The following KYAT3 variants were observed in gnomAD, a reference collection of about 807,000 sequenced individuals.
KYAT3 encodes kynurenine--oxoglutarate transaminase 3.
Under a neutral mutation model 59.0 loss-of-function variants are expected in KYAT3, and 50 were observed. The observed-to-expected ratio is 0.85, with a 90% CI of 0.68 to 1.07. KYAT3 has a LOEUF of 1.07. Ranked by LOEUF, KYAT3 falls within the 50% of genes least tolerant of loss-of-function variation. The pLI is 0.00. For missense variants in KYAT3, 497 were observed against 533.3 expected, an observed-to-expected ratio of 0.93 and a Z score of 0.67; for synonymous variants, 148 against 177.0, an observed-to-expected ratio of 0.84 and a Z score of 1.30.
intron 2 of KYAT3, among the ~76,000 whole-genome samples, chr1:88,978,575 G>T (rs1314812765): frequency 2.6e-5 from 4 of 152,068 alleles, no homozygotes; most frequent in African/African-American, 9.7e-5. Context: ...ATGGCTCACT[G>T]CAACCTCACC....
chr1:88,927,897 G>C, the KYAT3 span, among the ~76,000 whole-genome samples: 13 of 152,246 alleles, frequency 8.5e-5, 1 homozygote, highest in Admixed American at 6.5e-4. Context: ...ACTGCAGCCC[G>C]AGAGTTTGGT....
chr1:88,953,230 G>T, intron 9 of KYAT3, 78 bp from the exon 10 acceptor site: 1 of 931,594 alleles, frequency 1.1e-6, no homozygotes, highest in Non-Finnish European at 1.7e-6. Flanking sequence ...TAAACTTAGT[G>T]CAATTGTTAA....
chr1:88,986,129 C>A (rs539681283), intron 2 of KYAT3, among the ~76,000 whole-genome samples: 3 of 150,410 alleles, frequency 2.0e-5, no homozygotes, highest in Admixed American at 2.0e-4. Context: ...TGCAGTGAGC[C>A]GAGATTGCGC....
At chr1:88,971,254 G>A (rs1676546331) in intron 2 of KYAT3, among the ~76,000 whole-genome samples, 1 of 152,130 alleles carries the variant, frequency 6.6e-6, no homozygotes, top group Non-Finnish European at 1.5e-5. Context: ...AGATAATTGA[G>A]GTTGAAATGC....
intron 13 of KYAT3, 149 bp from the exon 14 acceptor site, chr1:88,936,394 A>C: frequency 1.7e-6 from 1 of 601,784 alleles, no homozygotes; most frequent in East Asian, 2.8e-5. Flanking sequence ...CAAAAGCAGA[A>C]CCCAAAACAG....
chr1:88,985,045 C>T (rs548030980), intron 2 of KYAT3, among the ~76,000 whole-genome samples: 6 of 152,264 alleles, frequency 3.9e-5, no homozygotes, highest in Admixed American at 3.9e-4. Flanking sequence ...TATATTTTAA[C>T]AATTACTTCA....
intron 8 of KYAT3, among the ~76,000 whole-genome samples, chr1:88,959,054 G>A (rs528020964): frequency 6.6e-6 from 1 of 152,238 alleles, no homozygotes; most frequent in African/African-American, 2.4e-5. Flanking sequence ...AGGGCAGGAG[G>A]ATCGCTTGAG....
At position 88,969,492 on chromosome 1, in the gene KYAT3, G is replaced by T. The variant is rs185654823; in HGVS notation, c.100-25C>A. 1,798 of 1,385,414 alleles carry T rather than the reference G, an allele frequency of 1.3e-3. 4 individuals carry two copies. Among genetic ancestry groups the T allele is most frequent in the Non-Finnish European group, 1.4e-3 (1,361 of 978,868 alleles). 85.8% of individuals were successfully genotyped at this position (1,385,414 alleles called of 1,614,324 possible). A position where few individuals can be genotyped will look rare whatever the true frequency, so the allele number is the denominator to read the frequency against. ...TCTGAAATATATAAATATTGAAAAGGAATTGCCTTAGTCAAAATTTTAAAA... is the reference window on the plus strand; with the variant it reads ...TCTGAAATATATAAATATTGAAAAGTAATTGCCTTAGTCAAAATTTTAAAA... On this transcript the variant is annotated intron_variant, in intron 2 of 13. Coordinates refer to ENST00000260508, the MANE Select transcript of KYAT3 (RefSeq NM_001008661.3).
intron 2 of KYAT3, chr1:88,981,997 G>C: frequency 4.1e-6 from 4 of 981,606 alleles, no homozygotes; most frequent in Non-Finnish European, 4.8e-6. Context: ...TTAGTATTCC[G>C]TAGTTGTTTA....
intron 6 of KYAT3, 36 bp downstream of exon 6, chr1:88,962,023 G>C: frequency 1.6e-5 from 23 of 1,461,136 alleles, no homozygotes; most frequent in Non-Finnish European, 2.2e-5. Context: ...CTTAAGTCTT[G>C]AAACTTTGCC....
chr1:88,925,112 G>A, the KYAT3 span, among the ~76,000 whole-genome samples: 1 of 152,172 alleles, frequency 6.6e-6, no homozygotes, highest in Non-Finnish European at 1.5e-5. Context: ...TTCTTCCTTA[G>A]AATTGGAGGA....
chr1:88,953,094 T>C lies in KYAT3; in HGVS notation c.923A>G (p.Asn308Ser), dbSNP rs377546774. 8.7e-6 allele frequency: 14 copies of C among 1,613,046 alleles called. No homozygotes were observed. The highest frequency in any genetic ancestry group is 6.7e-5 in the East Asian group (3 of 44,868). ...LIKHLQTVQQNTIYTCATPLQ... is the reference protein window; with the variant it reads ...LIKHLQTVQQSTIYTCATPLQ... The stretch of plus-strand genomic sequence containing the variant: ...AGGAGTTGCACAAGTATAAATCGTG[T>C]TTTGTTGAACTGTCTGTAAATGTTT... The change falls in exon 10 of 14, where the codon AAC becomes AGC. Residue 308 changes from asparagine to serine, a missense_variant. Physicochemically the swap from Asn to Ser is conservative, Grantham distance 46. This residue lies in a region of KYAT3 where 469 missense variants were observed against 479.1 expected (regional missense o/e 0.98). Transcript: ENST00000260508.
At chr1:88,967,872 G>C (rs1490566942) in intron 4 of KYAT3, among the ~76,000 whole-genome samples, 1 of 152,038 alleles carries the variant, frequency 6.6e-6, no homozygotes, top group African/African-American at 2.4e-5. Context: ...TTGTTGGTTT[G>C]TTTCTAGCCT....
At chr1:88,927,691 C>T in the KYAT3 span, among the ~76,000 whole-genome samples, 29 of 152,238 alleles carry the variant, frequency 1.9e-4, no homozygotes, top group South Asian at 4.2e-4. Context: ...GAGGAGAATT[C>T]GGCCCAGCCA....
chr1:88,932,063 C>T (rs115207675), downstream of KYAT3, among the ~76,000 whole-genome samples: 1,333 of 152,128 alleles, frequency 8.8e-3, 17 homozygotes, highest in African/African-American at 0.03. Context: ...CCAGGGTGCA[C>T]GCAGAAATTC....
intron 13 of KYAT3, among the ~76,000 whole-genome samples, chr1:88,939,101 T>C (rs1675144450): frequency 6.6e-6 from 1 of 152,204 alleles, no homozygotes; most frequent in Non-Finnish European, 1.5e-5. Flanking sequence ...GTTTTGGTTG[T>C]TTCCAATCTA....
intron 8 of KYAT3, among the ~76,000 whole-genome samples, chr1:88,958,277 G>C (rs1027244326): frequency 9.2e-5 from 14 of 152,092 alleles, no homozygotes; most frequent in African/African-American, 4.8e-5. Flanking sequence ...GTTCAGGCTA[G>C]AGATCTTAGT....
downstream of KYAT3, among the ~76,000 whole-genome samples, chr1:88,934,666 C>T (rs550634413): frequency 1.3e-5 from 2 of 152,184 alleles, no homozygotes; most frequent in Admixed American, 1.3e-4. Context: ...AACAATGGTG[C>T]AAATAATTCA....
intron 8 of KYAT3, among the ~76,000 whole-genome samples, chr1:88,960,083 C>A (rs1322433021): frequency 6.7e-6 from 1 of 149,556 alleles, no homozygotes; most frequent in African/African-American, 2.5e-5. Context: ...CAGGCACAGA[C>A]CACCATACCT....
Sources: gnomAD v4.1 joint callset for allele counts (sites outside exome capture counted in the v4.1 genomes callset) on GRCh38, gnomAD v4.1.1 for gene constraint, gnomAD v4.1.1 regional missense constraint, MANE v1.5 for transcripts, NCBI Gene and HGNC (gene_info 2026-07-23, HGNC 2026-07-21) for gene names.